Variants in CNTN5 observed in about 807,000 individuals in gnomAD.
CNTN5 encodes the protein contactin-5.
Under a neutral mutation model 129.1 loss-of-function variants are expected in CNTN5, and 77 were observed. The observed-to-expected ratio is 0.60, with a 90% CI of 0.50 to 0.72. The LOEUF (loss-of-function observed/expected upper bound fraction) is 0.72. CNTN5 is among the 30% of genes least tolerant of loss of function. The pLI, the probability that CNTN5 is intolerant of heterozygous loss-of-function variation, is 0.00. For missense variants in CNTN5, 1,478 were observed against 1,328.8 expected (o/e 1.11, Z -1.75); for synonymous variants, 509 against 465.6 (o/e 1.09, Z -1.20).
intron 13 of CNTN5, among the ~76,000 whole-genome samples, chr11:100,147,620 C>A (rs1946896518): frequency 6.6e-6 from 1 of 151,178 alleles, no homozygotes; most frequent in African/African-American, 2.4e-5. Context: ...ATTTTTTTGT[C>A]AAAAAAAATG....
At chr11:99,523,010 AC>A (rs1281918314) in intron 2 of CNTN5, among the ~76,000 whole-genome samples, 1 of 152,240 alleles carries the variant, frequency 6.6e-6, no homozygotes, top group Non-Finnish European at 1.5e-5. Context: ...TCTGGCACTA[AC>A]CAAAACTTCT....
intron 17 of CNTN5, among the ~76,000 whole-genome samples, chr11:100,270,551 C>A (rs1002063533): frequency 6.6e-6 from 1 of 152,030 alleles, no homozygotes; most frequent in African/African-American, 2.4e-5. Context: ...CAATGTTATG[C>A]CCTGACAAAA....
chr11:99,882,472 C>T (rs183506510), intron 6 of CNTN5, among the ~76,000 whole-genome samples: 123 of 152,204 alleles, frequency 8.1e-4, no homozygotes, highest in Non-Finnish European at 1.4e-3. Context: ...ATTCAGTAGC[C>T]TCAAGCAAGA....
chr11:99,502,034 G>A (rs1461822986), intron 2 of CNTN5, among the ~76,000 whole-genome samples: 1 of 152,128 alleles, frequency 6.6e-6, no homozygotes, highest in East Asian at 1.9e-4. Context: ...CCCTGCATAG[G>A]TTAATCCACA....
At chr11:99,986,568 C>A (rs1171756753) in intron 8 of CNTN5, among the ~76,000 whole-genome samples, 1 of 152,090 alleles carries the variant, frequency 6.6e-6, no homozygotes, top group Non-Finnish European at 1.5e-5. Flanking sequence ...ATCACATTTC[C>A]CTCCATCCTG....
intron 18 of CNTN5, among the ~76,000 whole-genome samples, chr11:100,276,358 G>A (rs1489253290): frequency 1.3e-5 from 2 of 151,786 alleles, no homozygotes; most frequent in Non-Finnish European, 2.9e-5. Flanking sequence ...TGGCCAACAT[G>A]GCAAAAACCA....
intron 1 of CNTN5, among the ~76,000 whole-genome samples, chr11:99,092,828 A>G (rs543968937): frequency 6.0e-4 from 92 of 152,126 alleles, no homozygotes; most frequent in African/African-American, 2.1e-3. Flanking sequence ...AATTGTAGCT[A>G]TATCTGGGTG....
At chr11:100,350,655 T>C in intron 23 of CNTN5, 47 bp from the exon 24 acceptor site, 1 of 1,443,956 alleles carries the variant, frequency 6.9e-7, no homozygotes, top group Non-Finnish European at 9.5e-7. Context: ...TCAATGTGCA[T>C]TTGTAATCTT....
chr11:99,185,728 T>A (rs1466032553), intron 1 of CNTN5, among the ~76,000 whole-genome samples: 1 of 151,800 alleles, frequency 6.6e-6, no homozygotes, highest in African/African-American at 2.4e-5. Flanking sequence ...GCTGAAAGTG[T>A]ATATTTTTCT....
At chr11:100,081,820 T>C (rs1380526032) in intron 13 of CNTN5, among the ~76,000 whole-genome samples, 1 of 152,180 alleles carries the variant, frequency 6.6e-6, no homozygotes, top group Non-Finnish European at 1.5e-5. Context: ...TCAGTCCAGT[T>C]GAGCTTCATT....
intron 2 of CNTN5, among the ~76,000 whole-genome samples, chr11:99,499,912 C>T (rs140940386): frequency 2.0e-5 from 3 of 151,892 alleles, no homozygotes; most frequent in Non-Finnish European, 2.9e-5. Context: ...GTTAGACTTA[C>T]GTAAAAAATA....
chr11:99,472,200 T>A (rs1402175154), intron 2 of CNTN5, among the ~76,000 whole-genome samples: 3 of 152,100 alleles, frequency 2.0e-5, no homozygotes, highest in African/African-American at 7.2e-5. Context: ...ATTTGGAAAT[T>A]AAGTCTGTAG....
chr11:99,094,721 C>A (rs1866397545), intron 1 of CNTN5, among the ~76,000 whole-genome samples: 1 of 151,778 alleles, frequency 6.6e-6, no homozygotes, highest in Admixed American at 6.6e-5. Flanking sequence ...GGAAGAAAGT[C>A]CGGGGTAGGT....
At chr11:99,991,505 AT>A (rs1380022186) in intron 8 of CNTN5, among the ~76,000 whole-genome samples, 2 of 152,028 alleles carry the variant, frequency 1.3e-5, no homozygotes, top group Admixed American at 6.6e-5. Context: ...AGACAAAAAA[AT>A]AACTCTTCTG....
chr11:100,354,245 T>G (rs1952478050), intron 24 of CNTN5, among the ~76,000 whole-genome samples: 1 of 151,592 alleles, frequency 6.6e-6, no homozygotes, highest in Admixed American at 6.6e-5. Flanking sequence ...AATAATCAAT[T>G]ATGATCATGA....
At chr11:99,862,117 C>T (rs1350048224) in intron 6 of CNTN5, among the ~76,000 whole-genome samples, 1 of 152,034 alleles carries the variant, frequency 6.6e-6, no homozygotes, top group Admixed American at 6.6e-5. Flanking sequence ...TATTTAAATA[C>T]AAAACATACA....
At chr11:99,440,702 G>T (rs10501913) in intron 2 of CNTN5, among the ~76,000 whole-genome samples, 26,382 of 151,638 alleles carry the variant, frequency 0.17, 2,596 homozygotes, top group Admixed American at 0.23. Context: ...TTAATATTTG[G>T]CAACATGAAT....
intron 20 of CNTN5, among the ~76,000 whole-genome samples, chr11:100,304,373 T>C (rs1055198932): frequency 2.6e-5 from 4 of 151,314 alleles, no homozygotes; most frequent in Non-Finnish European, 3.0e-5. Flanking sequence ...TAGATGGGAG[T>C]GAGAGTGGCA....
intron 1 of CNTN5, among the ~76,000 whole-genome samples, chr11:99,214,338 G>T (rs1288752825): frequency 6.7e-6 from 1 of 148,380 alleles, no homozygotes; most frequent in Non-Finnish European, 1.5e-5. Context: ...ACTAGTCTGT[G>T]CAAAGCAATT....
Sources: gnomAD v4.1 joint callset for allele counts (sites outside exome capture counted in the v4.1 genomes callset) on GRCh38, gnomAD v4.1.1 for gene constraint, MANE v1.5 for transcripts, NCBI Gene and HGNC (gene_info 2026-07-23, HGNC 2026-07-21) for gene names.